The following STK35 variants were observed in gnomAD, a reference collection of about 807,000 sequenced individuals.
STK35 encodes the protein serine/threonine kinase 35, also known as serine/threonine-protein kinase 35.
STK35 carries 17 observed loss-of-function variants against 37.3 expected under a neutral mutation model. The observed-to-expected ratio is 0.46, with a 90% CI of 0.31 to 0.68. The LOEUF is 0.68. STK35 is among the 30% of genes least tolerant of loss of function. The probability of loss-of-function intolerance (pLI) is 0.05; values close to 1 mark genes in which losing one functional copy is unlikely to be tolerated. For missense variants in STK35, 595 were observed against 746.7 expected, an observed-to-expected ratio of 0.80 and a Z score of 2.37; for synonymous variants, 385 against 319.1, an observed-to-expected ratio of 1.21 and a Z score of -2.20.
intron 3 of STK35, among the ~76,000 whole-genome samples, chr20:2,138,994 C>T (rs1231603389): frequency 5.9e-5 from 9 of 152,144 alleles, no homozygotes; most frequent in Non-Finnish European, 7.4e-5. Context: ...CCACTGTACT[C>T]CAGCTTGGGT....
intron 3 of STK35, among the ~76,000 whole-genome samples, chr20:2,141,328 C>G (rs1222306826): frequency 2.6e-5 from 4 of 152,188 alleles, no homozygotes; most frequent in African/African-American, 9.7e-5. Context: ...GACCAAGGAA[C>G]AGAAGCAGCA....
intron 3 of STK35, among the ~76,000 whole-genome samples, chr20:2,125,312 C>A (rs1032592712): frequency 2.6e-5 from 4 of 152,210 alleles, no homozygotes; most frequent in African/African-American, 9.7e-5. Context: ...AGGGCAGAGA[C>A]CCTGCCTTTT....
intron 3 of STK35, among the ~76,000 whole-genome samples, chr20:2,127,415 A>G (rs1163097813): frequency 2.0e-5 from 3 of 152,106 alleles, no homozygotes; most frequent in Admixed American, 6.5e-5. Flanking sequence ...CTTGTACCAG[A>G]CAGAAAGAGA....
At chr20:2,125,353 T>C (rs988721478) in intron 3 of STK35, among the ~76,000 whole-genome samples, 1 of 152,198 alleles carries the variant, frequency 6.6e-6, no homozygotes, top group African/African-American at 2.4e-5. Flanking sequence ...GCACTTTACA[T>C]GTATCATTAT....
rs1986303954 is a variant in STK35, at chr20:2,148,090, AGAC to A, written c.*4346_*4348del. The A allele has an allele frequency of 6.6e-6, 1 of 151,354 alleles. No individual in the cohort carries two copies. The highest frequency in any genetic ancestry group is 2.4e-5 in the African/African-American group (1 of 40,932). 9.4% of individuals were successfully genotyped at this position (151,354 alleles called of 1,614,324 possible). A position where few individuals can be genotyped will look rare whatever the true frequency, so the allele number is the denominator to read the frequency against. Reference sequence around the variant, plus strand: ...CTGCCCGAGGGCCCCCTAAGGTTATAGACGGTATCAGCAGGGAGGCCGTCCCGC... The same window carrying A: ...CTGCCCGAGGGCCCCCTAAGGTTATAGGTATCAGCAGGGAGGCCGTCCCGC... On this transcript the variant is annotated 3_prime_UTR_variant, in exon 4 of 4. Coordinates refer to ENST00000381482, the MANE Select transcript of STK35 (RefSeq NM_080836.4).
intron 3 of STK35, among the ~76,000 whole-genome samples, chr20:2,134,639 C>G (rs979000914): frequency 6.6e-6 from 1 of 151,952 alleles, no homozygotes; most frequent in Non-Finnish European, 1.5e-5. Flanking sequence ...GCCTGTAATC[C>G]CAGCACTTTG....
intron 3 of STK35, among the ~76,000 whole-genome samples, chr20:2,131,871 A>C (rs917341609): frequency 6.6e-6 from 1 of 152,152 alleles, no homozygotes; most frequent in Non-Finnish European, 1.5e-5. Context: ...AGCCTGAGCC[A>C]CCGTGCCTGG....
Position 2,117,998 on chromosome 20 carries a change from T to C in STK35, c.*37+583T>C, listed in dbSNP as rs1035292054. 5.3e-5 allele frequency among the ~76,000 whole-genome samples: 8 copies of C among 152,224 alleles called. No individual in the cohort carries two copies. Among genetic ancestry groups the C allele is most frequent in the Admixed American group, 3.9e-4 (6 of 15,288 alleles). The stretch of plus-strand genomic sequence containing the variant: ...TTTTAGAAACGCTCTTTCTCATCAT[T>C]ATAAATGCTCACTGTAGAAAATGTG... On this transcript the variant is annotated intron_variant, in intron 3 of 3. Transcript: ENST00000381482. This position sits in a 1 kb window ranked among gnomAD's most constrained non-coding sequence, Gnocchi z 4.4.
At chr20:2,137,028 GCTGTCAC>G (rs748261880) in intron 3 of STK35, among the ~76,000 whole-genome samples, 28 of 152,328 alleles carry the variant, frequency 1.8e-4, no homozygotes, top group Non-Finnish European at 2.8e-4. Flanking sequence ...CAGGAGGGAG[GCTGTCAC>G]CTCAAGAGAA....
In STK35 at chr20:2,103,163, C is replaced by T. The variant is rs761791681; in HGVS notation, c.690C>T (p.Val230=). ...GGCGCAGCGGGGCCCGGGTGGCGGT[C>T]AAGAAGATCCGCTGCGACGCCCCCG... is the stretch of plus-strand genomic sequence containing the variant. The part of the protein sequence containing the change: ...VAGRSGARVA[V]KKIRCDAPEN... Residue 230 remains valine, a synonymous_variant, in exon 2 of 4, where the codon GTC becomes GTT. Coordinates refer to ENST00000381482, the MANE Select transcript of STK35 (RefSeq NM_080836.4). 12 of 1,606,872 alleles carry T rather than the reference C, an allele frequency of 7.5e-6. No individual in the cohort carries two copies. In the East Asian group the frequency reaches 2.0e-4, roughly 27 times the overall value.
intron 2 of STK35, among the ~76,000 whole-genome samples, chr20:2,106,124 G>C (rs1206426933): frequency 6.6e-6 from 1 of 152,132 alleles, no homozygotes; most frequent in Non-Finnish European, 1.5e-5. Context: ...TTAAAATAGA[G>C]AACAGATACC....
At chr20:2,134,555 T>C (rs1986053583) in intron 3 of STK35, among the ~76,000 whole-genome samples, 1 of 152,206 alleles carries the variant, frequency 6.6e-6, no homozygotes, top group African/African-American at 2.4e-5. Flanking sequence ...TTGTGCCATG[T>C]TCCTTTCTCA....
At chr20:2,107,562 A>G (rs144257246) in intron 2 of STK35, among the ~76,000 whole-genome samples, 2 of 152,354 alleles carry the variant, frequency 1.3e-5, no homozygotes, top group Non-Finnish European at 2.9e-5. Context: ...CACAAGTGGT[A>G]GCATCTTAGA....
At chr20:2,140,661 T>C (rs1411664881) in intron 3 of STK35, among the ~76,000 whole-genome samples, 1 of 152,218 alleles carries the variant, frequency 6.6e-6, no homozygotes, top group East Asian at 1.9e-4. Context: ...GACTCAGACC[T>C]GTAGGCTGTT....
chr20:2,103,448 CT>C, intron 2 of STK35, 83 bp downstream of exon 2: 19 of 1,346,080 alleles, frequency 1.4e-5, no homozygotes, highest in Non-Finnish European at 1.9e-5. Context: ...TGTTCCTGGC[CT>C]TCCTAGGCCT....
intron 3 of STK35, among the ~76,000 whole-genome samples, chr20:2,123,592 G>A (rs191910047): frequency 7.9e-5 from 12 of 152,256 alleles, no homozygotes; most frequent in East Asian, 1.9e-4. Flanking sequence ...GGAATTACAC[G>A]CAACTGTGTT....
At chr20:2,122,042 T>A (rs1985827638) in intron 3 of STK35, among the ~76,000 whole-genome samples, 2 of 152,152 alleles carry the variant, frequency 1.3e-5, no homozygotes, top group African/African-American at 4.8e-5. Context: ...CTATTAAAAA[T>A]TAAAATAGGC....
chr20:2,129,448 A>G (rs548930376), intron 3 of STK35, among the ~76,000 whole-genome samples: 1 of 152,262 alleles, frequency 6.6e-6, no homozygotes, highest in East Asian at 1.9e-4. Context: ...GGGCACGCTG[A>G]TGGCAGAGCG....
At chr20:2,137,474 G>A (rs1986105684) in intron 3 of STK35, among the ~76,000 whole-genome samples, 2 of 152,198 alleles carry the variant, frequency 1.3e-5, no homozygotes, top group African/African-American at 4.8e-5. Context: ...GCGTGGACCT[G>A]TGGTCTTCTG....
Sources: allele counts gnomAD v4.1 joint callset (sites outside exome capture counted in the v4.1 genomes callset), GRCh38; gene constraint gnomAD v4.1.1; non-coding constraint Gnocchi (gnomAD v3.1); transcripts MANE v1.5; gene names NCBI Gene and HGNC (gene_info 2026-07-23, HGNC 2026-07-21).